The following CHL1 variants were observed in gnomAD, a reference collection of about 807,000 sequenced individuals.
CHL1 encodes the protein neural cell adhesion molecule L1-like protein.
A neutral mutation model predicts 141.9 loss-of-function variants in CHL1; 96 were observed. That is an observed-to-expected ratio of 0.68 (90% CI 0.57 to 0.80). CHL1 has a LOEUF of 0.80. CHL1 is among the 30% of genes least tolerant of loss of function. The probability of loss-of-function intolerance (pLI) is 0.00; values close to 1 mark genes in which losing one functional copy is unlikely to be tolerated. For missense variants in CHL1, 1,820 were observed against 1,457.2 expected (o/e 1.25, Z -4.05); for synonymous variants, 613 against 502.2 (o/e 1.22, Z -2.95).
Position 365,389 on chromosome 3 carries a change from T to C in CHL1, c.1586-561T>C, listed in dbSNP as rs576133573. 3.1e-4 allele frequency among the ~76,000 whole-genome samples: 47 copies of C among 152,328 alleles called. 1 individual carries two copies. Among genetic ancestry groups the C allele is most frequent in the Admixed American group, 4.6e-4 (7 of 15,302 alleles). ...TCAAAAGGAGACTTAACACTATGTA[T>C]TGAATGCCTACGGTGTACAGGCTCC... On this transcript the variant is annotated intron_variant, in intron 14 of 27. Coordinates refer to ENST00000256509, the MANE Select transcript of CHL1 (RefSeq NM_006614.4).
At chr3:389,629 C>T (rs1708061444) in intron 20 of CHL1, among the ~76,000 whole-genome samples, 155 bp downstream of exon 20, 1 of 152,182 alleles carries the variant, frequency 6.6e-6, no homozygotes, top group Non-Finnish European at 1.5e-5. Context: ...TGACTTCTAT[C>T]TTAGGATTGA....
intron 2 of CHL1, among the ~76,000 whole-genome samples, chr3:278,940 G>A (rs1157759300): frequency 1.3e-5 from 2 of 152,132 alleles, no homozygotes; most frequent in Non-Finnish European, 2.9e-5. Context: ...GTTTGCCCTT[G>A]CCTTTCGAAT....
At chr3:357,370 C>T (rs1211550192) in intron 11 of CHL1, among the ~76,000 whole-genome samples, 1 of 152,184 alleles carries the variant, frequency 6.6e-6, no homozygotes, top group Non-Finnish European at 1.5e-5. Flanking sequence ...AAAATGATTG[C>T]TATTATTGAT....
At chr3:316,519 C>G (rs903167214) in intron 2 of CHL1, among the ~76,000 whole-genome samples, 1 of 151,634 alleles carries the variant, frequency 6.6e-6, no homozygotes, top group Non-Finnish European at 1.5e-5. Flanking sequence ...AAAATTTAAC[C>G]CAGTTTACCC....
intron 15 of CHL1, among the ~76,000 whole-genome samples, chr3:370,088 G>T (rs1323124545): frequency 6.6e-6 from 1 of 152,132 alleles, no homozygotes; most frequent in Non-Finnish European, 1.5e-5. Flanking sequence ...CCTGGTTTTG[G>T]TATCAGGATG....
rs1291084316 is a variant in CHL1 at position 366,134 on chromosome 3, T to A, written c.1751+19T>A. On this transcript the variant is annotated intron_variant, in intron 15 of 27. Transcript: ENST00000256509. Reference sequence around the variant, plus strand: ...ATGGCAGGTAGGTAAACTATTATGATATGTCATAATATTTGCTTGGGGTAA... The same window carrying A: ...ATGGCAGGTAGGTAAACTATTATGAAATGTCATAATATTTGCTTGGGGTAA... The A allele has an allele frequency of 6.3e-7, 1 of 1,596,372 alleles. No homozygotes were observed. The highest frequency in any genetic ancestry group is 8.6e-7 in the Non-Finnish European group (1 of 1,168,792).
chr3:347,406 A>T (rs1273528863), intron 9 of CHL1, among the ~76,000 whole-genome samples: 1 of 152,206 alleles, frequency 6.6e-6, no homozygotes, highest in Non-Finnish European at 1.5e-5. Context: ...GGCAGGAGGT[A>T]TAAAAAAATT....
chr3:391,824 A>T lies in CHL1; in HGVS notation c.2914+27A>T, dbSNP rs751296605. The T allele has an allele frequency of 2.6e-6, 4 of 1,550,946 alleles. No individual in the cohort carries two copies. The South Asian group carries it at 4.7e-5, about 18-fold the overall frequency. On this transcript the variant is annotated intron_variant, in intron 23 of 27. Coordinates refer to ENST00000256509, the MANE Select transcript of CHL1 (RefSeq NM_006614.4). ...TAAGTAGAAATTTGAATTGGAGTTA[A>T]CTTGTTAATGTTTCATTTTTTGGTT...
chr3:340,240 A>G (rs143529742), intron 5 of CHL1, among the ~76,000 whole-genome samples: 4 of 152,304 alleles, frequency 2.6e-5, no homozygotes, highest in Non-Finnish European at 5.9e-5. Context: ...AGTAATTTCA[A>G]TGTGGCTGGC....
chr3:368,985 TGG>T (rs1269023478), intron 15 of CHL1, among the ~76,000 whole-genome samples: 1 of 152,244 alleles, frequency 6.6e-6, no homozygotes, highest in South Asian at 2.1e-4. Flanking sequence ...CATGCTGTTT[TGG>T]TTACTGTCGC....
At chr3:342,191 T>C (rs1258010059) in intron 7 of CHL1, 109 bp downstream of exon 7, 1 of 964,194 alleles carries the variant, frequency 1.0e-6, no homozygotes, top group Non-Finnish European at 1.5e-6. Context: ...TGCACCATTG[T>C]GCAGTTCAAC....
intron 1 of CHL1, among the ~76,000 whole-genome samples, chr3:236,244 C>T (rs1194104443): frequency 6.6e-6 from 1 of 152,138 alleles, no homozygotes; most frequent in East Asian, 1.9e-4. Context: ...CTAACTTTCC[C>T]AAAGTGACAC....
intron 2 of CHL1, among the ~76,000 whole-genome samples, chr3:267,447 A>G (rs1230355498): frequency 1.3e-5 from 2 of 152,280 alleles, no homozygotes; most frequent in East Asian, 1.9e-4. Flanking sequence ...TTACTTCATA[A>G]TACTGCATTC....
intron 3 of CHL1, among the ~76,000 whole-genome samples, chr3:324,268 C>G (rs1408973414): frequency 6.6e-6 from 1 of 152,066 alleles, no homozygotes; most frequent in Non-Finnish European, 1.5e-5. Flanking sequence ...TGGAATAGTA[C>G]TTATTTAAGT....
chr3:258,931 C>A (rs949762621), intron 2 of CHL1, among the ~76,000 whole-genome samples: 3 of 141,534 alleles, frequency 2.1e-5, no homozygotes, highest in South Asian at 2.4e-4. Flanking sequence ...CGTATGGCAA[C>A]ATCTTTTTTT....
intron 1 of CHL1, among the ~76,000 whole-genome samples, chr3:207,327 A>T (rs1386621227): frequency 6.6e-6 from 1 of 152,206 alleles, no homozygotes; most frequent in Admixed American, 6.5e-5. Flanking sequence ...GATTATACAC[A>T]ATGGCTTTTC....
At chr3:210,927 G>A (rs1345726398) in intron 1 of CHL1, among the ~76,000 whole-genome samples, 1 of 152,188 alleles carries the variant, frequency 6.6e-6, no homozygotes, top group African/African-American at 2.4e-5. Context: ...AAAAGTGAGA[G>A]GAAGGAGGCG....
intron 1 of CHL1, among the ~76,000 whole-genome samples, chr3:216,234 G>GT (rs1700309828): frequency 6.6e-6 from 1 of 152,134 alleles, no homozygotes. Context: ...TGTCTTACTG[G>GT]TATTTGCAGT....
intron 1 of CHL1, among the ~76,000 whole-genome samples, chr3:205,063 A>G (rs1479757591): frequency 1.4e-5 from 2 of 146,872 alleles, no homozygotes; most frequent in South Asian, 2.2e-4. Context: ...AGCCCACTCT[A>G]TTGCTTTCAG....
Sources: gnomAD v4.1 joint callset for allele counts (sites outside exome capture counted in the v4.1 genomes callset) on GRCh38, gnomAD v4.1.1 for gene constraint, MANE v1.5 for transcripts, NCBI Gene and HGNC (gene_info 2026-07-23, HGNC 2026-07-21) for gene names.